The following RNF144A variants were observed in gnomAD, a reference collection of about 807,000 sequenced individuals.
RNF144A encodes the protein E3 ubiquitin-protein ligase RNF144A.
Under a neutral mutation model 38.7 loss-of-function variants are expected in RNF144A, and 11 were observed. The ratio of observed to expected loss-of-function variants is 0.28; its 90% confidence interval spans 0.18 to 0.47. The LOEUF is 0.47. RNF144A is among the 20% of genes least tolerant of loss of function. The probability of loss-of-function intolerance (pLI) is 0.99; values close to 1 mark genes in which losing one functional copy is unlikely to be tolerated. For missense variants in RNF144A, 316 were observed against 377.2 expected, an observed-to-expected ratio of 0.84 and a Z score of 1.34; for synonymous variants, 149 against 143.9, an observed-to-expected ratio of 1.04 and a Z score of -0.25.
At position 6,941,087 on chromosome 2, in the gene RNF144A, A is replaced by G. The variant is rs1356701726; in HGVS notation, c.-72A>G. The G allele has an allele frequency of 1.3e-5, 2 of 152,224 alleles. No individual in the cohort carries two copies. Among genetic ancestry groups the G allele is most frequent in the Non-Finnish European group, 2.9e-5 (2 of 68,046 alleles). 9.4% of individuals were successfully genotyped at this position (152,224 alleles called of 1,614,324 possible). On this transcript the variant is annotated 5_prime_UTR_variant, in exon 2 of 9. Transcript: ENST00000320892. The surrounding 1 kb of genome is among the most constrained non-coding windows in gnomAD (Gnocchi z 6.5). ...GAGACATCTGAGTGTGTATAAGCACAGCAGGACACCAGGACCTGGCCTGAA... is the reference window on the plus strand; with the variant it reads ...GAGACATCTGAGTGTGTATAAGCACGGCAGGACACCAGGACCTGGCCTGAA...
At chr2:6,982,491 A>C (rs1668697575) in intron 2 of RNF144A, among the ~76,000 whole-genome samples, 1 of 152,248 alleles carries the variant, frequency 6.6e-6, no homozygotes, top group Non-Finnish European at 1.5e-5. Context: ...AGAAAATGAC[A>C]AACTATAGCA....
intron 2 of RNF144A, among the ~76,000 whole-genome samples, chr2:6,980,646 A>C (rs1014513630): frequency 5.9e-5 from 9 of 152,208 alleles, no homozygotes; most frequent in African/African-American, 2.2e-4. Context: ...ATAGGCTGGC[A>C]TTGAGCGCCT....
At chr2:7,070,156 T>TTCTC (rs143933026), downstream of RNF144A, among the ~76,000 whole-genome samples, 42,857 of 151,268 alleles carry the variant, frequency 0.28, 7,067 homozygotes, top group South Asian at 0.44. Flanking sequence ...GGAGCTTTTC[T>TTCTC]TCTCTCTCTC....
Position 6,941,879 on chromosome 2 carries a change from G to A in RNF144A, c.-12+732G>A, listed in dbSNP as rs1294989743. On this transcript the variant is annotated intron_variant, in intron 2 of 8. Coordinates refer to ENST00000320892, the MANE Select transcript of RNF144A (RefSeq NM_014746.6). The surrounding 1 kb of genome is among the most constrained non-coding windows in gnomAD (Gnocchi z 6.5). ...AGCACCCAGGCCAGCCTGGCTGGAA[G>A]GACTCAGCACAGAGCTGTGAGCTGG... is the stretch of plus-strand genomic sequence containing the variant. 6.6e-6 allele frequency among the ~76,000 whole-genome samples: 1 copy of A among 152,258 alleles called. No individual in the cohort carries two copies. The highest frequency in any genetic ancestry group is 6.5e-5 in the Admixed American group (1 of 15,286).
In RNF144A at chr2:6,958,932, C is replaced by T. The variant is rs1011642784; in HGVS notation, c.-12+17785C>T. On this transcript the variant is annotated intron_variant, in intron 2 of 8. Coordinates refer to ENST00000320892, the MANE Select transcript of RNF144A (RefSeq NM_014746.6). This position sits in a 1 kb window ranked among gnomAD's most constrained non-coding sequence, Gnocchi z 4.5. ...AAAGCTTCTCTTTTACCCAGTGACT[C>T]CCTAAATGGTGCATTAGATCATCTT... Among the ~76,000 whole-genome samples, 3 of 152,208 alleles carry T rather than the reference C, an allele frequency of 2.0e-5. No homozygotes were observed. Among genetic ancestry groups the T allele is most frequent in the African/African-American group, 7.2e-5 (3 of 41,450 alleles).
chr2:7,007,244 T>C (rs769875900), intron 3 of RNF144A, among the ~76,000 whole-genome samples: 2 of 152,128 alleles, frequency 1.3e-5, no homozygotes, highest in Non-Finnish European at 2.9e-5. Context: ...TCTTATACAA[T>C]GGGTAAAGAG....
At chr2:7,072,519 T>C (rs1674519990), downstream of RNF144A, among the ~76,000 whole-genome samples, 4 of 152,226 alleles carry the variant, frequency 2.6e-5, no homozygotes, top group South Asian at 8.3e-4. Flanking sequence ...GATGCACTTC[T>C]ATAAAAGGCC....
At chr2:6,933,295 A>G (rs373732618) in intron 1 of RNF144A, 1 of 152,208 alleles carries the variant, frequency 6.6e-6, no homozygotes, top group Admixed American at 6.5e-5. Context: ...AGAGTCTAAA[A>G]TGTTCCTTCA....
chr2:7,027,356 G>T (rs1464526631), intron 7 of RNF144A, among the ~76,000 whole-genome samples: 2 of 152,232 alleles, frequency 1.3e-5, no homozygotes, highest in Non-Finnish European at 2.9e-5. Context: ...TTTGGCAGTA[G>T]ATAGTTAATG....
At chr2:7,051,073 C>T (rs997895453) in intron 6 of RNF144A, among the ~76,000 whole-genome samples, 3 of 152,132 alleles carry the variant, frequency 2.0e-5, no homozygotes, top group Non-Finnish European at 4.4e-5. Flanking sequence ...TGCGGCAGGC[C>T]GGAAGGTGAT....
At chr2:6,989,187 G>A (rs191438916) in intron 2 of RNF144A, among the ~76,000 whole-genome samples, 2 of 152,196 alleles carry the variant, frequency 1.3e-5, no homozygotes, top group Non-Finnish European at 1.5e-5. Context: ...ACTAACCGGT[G>A]TGTGCACACA....
chr2:7,013,817 C>T (rs1670969609), intron 3 of RNF144A, among the ~76,000 whole-genome samples: 1 of 152,144 alleles, frequency 6.6e-6, no homozygotes, highest in South Asian at 2.1e-4. Context: ...TTAAGCAGTG[C>T]CCCCAAGTAG....
At chr2:7,028,240 G>T (rs1450079075) in intron 7 of RNF144A, among the ~76,000 whole-genome samples, 1 of 152,178 alleles carries the variant, frequency 6.6e-6, no homozygotes, top group African/African-American at 2.4e-5. Context: ...CAAAGACCTG[G>T]GCACGATGAA....
intron 2 of RNF144A, among the ~76,000 whole-genome samples, chr2:6,960,052 T>G (rs1667242789): frequency 6.6e-6 from 1 of 152,238 alleles, no homozygotes. Context: ...TCACATTCTG[T>G]GATTCCAAGA....
At chr2:6,988,726 C>G (rs1558408719) in intron 2 of RNF144A, among the ~76,000 whole-genome samples, 1 of 152,142 alleles carries the variant, frequency 6.6e-6, no homozygotes, top group African/African-American at 2.4e-5. Context: ...AAACTACACT[C>G]TTTGGAAGGA....
chr2:7,040,753 G>A lies in RNF144A; in HGVS notation c.*993G>A. 3 of 985,466 alleles carry A rather than the reference G, an allele frequency of 3.0e-6. No individual in the cohort carries two copies. Among genetic ancestry groups the A allele is most frequent in the Non-Finnish European group, 3.6e-6 (3 of 829,940 alleles). 61.0% of individuals were successfully genotyped at this position (985,466 alleles called of 1,614,324 possible). On this transcript the variant is annotated 3_prime_UTR_variant, in exon 9 of 9. Transcript: ENST00000320892. Reference sequence around the variant, plus strand: ...TGTAGGGGCCTCTTGGCAGAGGCTGGAGGACTCTGGGGGCTAGGGAAGAGC... The same window carrying A: ...TGTAGGGGCCTCTTGGCAGAGGCTGAAGGACTCTGGGGGCTAGGGAAGAGC...
Position 6,981,541 on chromosome 2 carries a change from G to C in RNF144A, c.-11-15375G>C, listed in dbSNP as rs186857629. Reference sequence around the variant, plus strand: ...AAATGCCACCAGTCTCTTTACTAAAGCATAGTGAGAGTGACCTTTGCTCCA... The same window carrying C: ...AAATGCCACCAGTCTCTTTACTAAACCATAGTGAGAGTGACCTTTGCTCCA... On this transcript the variant is annotated intron_variant, in intron 2 of 8. Coordinates refer to ENST00000320892, the MANE Select transcript of RNF144A (RefSeq NM_014746.6). Among the ~76,000 whole-genome samples, 24 of 152,252 alleles carry C rather than the reference G, an allele frequency of 1.6e-4. No individual in the cohort carries two copies. In the East Asian group the frequency reaches 4.6e-3, roughly 29 times the overall value.
In RNF144A at chr2:6,941,829, G is replaced by T. The variant is rs910618582; in HGVS notation, c.-12+682G>T. ...AGCGCTGTAGACAGAAGGGCTGGTG[G>T]CTGCAGCATACGGACAGCTGGAGGA... On this transcript the variant is annotated intron_variant, in intron 2 of 8. Coordinates refer to ENST00000320892, the MANE Select transcript of RNF144A (RefSeq NM_014746.6). The surrounding 1 kb of genome is among the most constrained non-coding windows in gnomAD (Gnocchi z 6.5). 1.3e-5 allele frequency among the ~76,000 whole-genome samples: 2 copies of T among 152,242 alleles called. No homozygotes were observed. Among genetic ancestry groups the T allele is most frequent in the African/African-American group, 4.8e-5 (2 of 41,462 alleles).
chr2:7,004,354 C>T (rs1184229355), intron 3 of RNF144A, among the ~76,000 whole-genome samples: 1 of 152,204 alleles, frequency 6.6e-6, no homozygotes, highest in Non-Finnish European at 1.5e-5. Context: ...AGACTTCCTT[C>T]CCCAGCAAAT....
Sources: gnomAD v4.1 joint callset for allele counts (sites outside exome capture counted in the v4.1 genomes callset) on GRCh38, gnomAD v4.1.1 for gene constraint, Gnocchi (gnomAD v3.1) non-coding constraint, MANE v1.5 for transcripts, NCBI Gene and HGNC (gene_info 2026-07-23, HGNC 2026-07-21) for gene names.